ITGA8: variants seen among roughly 807,000 people sequenced by gnomAD.
ITGA8 encodes integrin alpha-8.
A neutral mutation model predicts 142.3 loss-of-function variants in ITGA8; 91 were observed. The observed-to-expected ratio is 0.64, with a 90% CI of 0.54 to 0.76. The LOEUF (loss-of-function observed/expected upper bound fraction) is 0.76. ITGA8 is among the 30% of genes least tolerant of loss of function. ITGA8 has a pLI of 0.00. For missense variants in ITGA8, 1,406 were observed against 1,327.7 expected (o/e 1.06, Z -0.92); for synonymous variants, 505 against 485.2 (o/e 1.04, Z -0.54).
At chr10:15,585,716 T>C (rs139724081) in intron 23 of ITGA8, among the ~76,000 whole-genome samples, 2 of 152,328 alleles carry the variant, frequency 1.3e-5, no homozygotes, top group African/African-American at 4.8e-5. Context: ...CTGATTTCTT[T>C]TTCCCCCAGG....
chr10:15,672,325 C>G (rs942235047), intron 7 of ITGA8, among the ~76,000 whole-genome samples: 3 of 152,186 alleles, frequency 2.0e-5, no homozygotes, highest in African/African-American at 7.2e-5. Context: ...CTGCTATCAT[C>G]CTGTCCCTGT....
intron 27 of ITGA8, among the ~76,000 whole-genome samples, chr10:15,531,400 A>G (rs1201097540): frequency 6.6e-6 from 1 of 152,164 alleles, no homozygotes; most frequent in Non-Finnish European, 1.5e-5. Context: ...GCATCCATCT[A>G]TCCAAGCATC....
At chr10:15,573,556 C>T (rs1024845409) in intron 24 of ITGA8, among the ~76,000 whole-genome samples, 7 of 151,982 alleles carry the variant, frequency 4.6e-5, no homozygotes, top group Admixed American at 3.3e-4. Flanking sequence ...ACAGGTTGGG[C>T]GGATGATGGA....
chr10:15,586,872 T>C (rs906723263), intron 22 of ITGA8, among the ~76,000 whole-genome samples: 1 of 152,152 alleles, frequency 6.6e-6, no homozygotes, highest in Non-Finnish European at 1.5e-5. Flanking sequence ...GTAACAACTG[T>C]CTATGAAGAG....
At chr10:15,634,082 C>T (rs1210330141) in intron 13 of ITGA8, among the ~76,000 whole-genome samples, 2 of 152,172 alleles carry the variant, frequency 1.3e-5, no homozygotes, top group African/African-American at 4.8e-5. Flanking sequence ...TACAACCACT[C>T]ACAGTCATAC....
intron 27 of ITGA8, 144 bp from the exon 28 acceptor site, chr10:15,531,295 T>C (rs1833287520): frequency 4.4e-6 from 2 of 452,632 alleles, no homozygotes; most frequent in Admixed American, 4.4e-5. Flanking sequence ...TTAACTTTTT[T>C]TTCCTCCCAC....
chr10:15,694,966 A>AGGACTTCAGAAGAGC (rs1272434555), intron 2 of ITGA8, among the ~76,000 whole-genome samples: 4 of 152,044 alleles, frequency 2.6e-5, no homozygotes, highest in Admixed American at 2.0e-4. Flanking sequence ...AGATCGCAGA[A>AGGACTTCAGAAGAGC]GGACTTCAGA....
At chr10:15,583,363 G>A (rs1039308817) in intron 23 of ITGA8, among the ~76,000 whole-genome samples, 1 of 152,114 alleles carries the variant, frequency 6.6e-6, no homozygotes, top group African/African-American at 2.4e-5. Context: ...GGGGCCTACT[G>A]GGGGATGGGG....
chr10:15,572,414 A>G (rs754462446), intron 24 of ITGA8, 45 bp from the exon 25 acceptor site: 2 of 1,588,742 alleles, frequency 1.3e-6, no homozygotes, highest in South Asian at 2.3e-5. Context: ...CAGAAGGCAG[A>G]GAGATAAAAT....
chr10:15,604,744 C>A (rs1833164322), intron 19 of ITGA8, among the ~76,000 whole-genome samples: 1 of 152,032 alleles, frequency 6.6e-6, no homozygotes, highest in Admixed American at 6.6e-5. Flanking sequence ...GAAGCAGCTT[C>A]AGCACTTCAC....
intron 28 of ITGA8, among the ~76,000 whole-genome samples, chr10:15,525,045 G>T (rs1564335393): frequency 6.6e-6 from 1 of 152,100 alleles, no homozygotes; most frequent in African/African-American, 2.4e-5. Context: ...GTCTTGCTCT[G>T]TTGCCTCAGC....
At chr10:15,533,095 T>G (rs1365383593) in intron 27 of ITGA8, among the ~76,000 whole-genome samples, 2 of 152,238 alleles carry the variant, frequency 1.3e-5, no homozygotes, top group African/African-American at 4.8e-5. Context: ...CATCACTGTC[T>G]ATAATCCAAT....
chr10:15,554,104 A>T (rs546644372), intron 26 of ITGA8, among the ~76,000 whole-genome samples: 3 of 152,276 alleles, frequency 2.0e-5, no homozygotes, highest in Non-Finnish European at 4.4e-5. Context: ...ATAAATTATT[A>T]TCAGAGTTTT....
intron 27 of ITGA8, among the ~76,000 whole-genome samples, chr10:15,533,612 C>T (rs1458654109): frequency 1.3e-5 from 2 of 152,120 alleles, no homozygotes; most frequent in East Asian, 1.9e-4. Flanking sequence ...CTTTTATCTC[C>T]AAGTTCAATA....
chr10:15,562,741 G>A (rs777559426), intron 25 of ITGA8, among the ~76,000 whole-genome samples: 6 of 152,186 alleles, frequency 3.9e-5, no homozygotes, highest in Non-Finnish European at 7.3e-5. Flanking sequence ...TGCATGGACC[G>A]GAGGGTAGGC....
intron 27 of ITGA8, among the ~76,000 whole-genome samples, chr10:15,542,499 T>C (rs1833590184): frequency 6.6e-6 from 1 of 152,336 alleles, no homozygotes; most frequent in East Asian, 1.9e-4. Flanking sequence ...TAGCATGCTA[T>C]ACAATTTAAA....
At position 15,660,877 on chromosome 10, in the gene ITGA8, A is replaced by C; in HGVS notation, c.891+2T>G. 6.2e-7 allele frequency: 1 copy of C among 1,612,838 alleles called. No homozygotes were observed. Among genetic ancestry groups the C allele is most frequent in the Non-Finnish European group, 8.5e-7 (1 of 1,178,934 alleles). ...TTCCTGTAATGCATTCTCAGTACTC[A>C]CATATCCAAAATTCTGTGCTCCTCT... is the stretch of plus-strand genomic sequence containing the variant. On this transcript the variant is annotated splice_donor_variant, in intron 9 of 29. Coordinates refer to ENST00000378076, the MANE Select transcript of ITGA8 (RefSeq NM_003638.3). LOFTEE classifies it high-confidence loss of function.
chr10:15,712,609 A>G (rs1381098839), intron 2 of ITGA8, among the ~76,000 whole-genome samples: 1 of 152,158 alleles, frequency 6.6e-6, no homozygotes, highest in African/African-American at 2.4e-5. Context: ...TCAAAAAAAT[A>G]AAAATAAAAT....
intron 10 of ITGA8, among the ~76,000 whole-genome samples, chr10:15,657,082 G>T (rs896539888): frequency 8.5e-5 from 13 of 152,290 alleles, no homozygotes; most frequent in Admixed American, 8.5e-4. Flanking sequence ...GTGGTGGTGT[G>T]TGGCCTTTAC....
Sources: allele counts gnomAD v4.1 joint callset (sites outside exome capture counted in the v4.1 genomes callset), GRCh38; gene constraint gnomAD v4.1.1; transcripts MANE v1.5; gene names NCBI Gene and HGNC (gene_info 2026-07-23, HGNC 2026-07-21).